SMCHD1: variants seen among roughly 807,000 people sequenced by gnomAD.
The protein encoded by SMCHD1 is structural maintenance of chromosomes flexible hinge domain-containing protein 1.
In SMCHD1, 78 loss-of-function variants were observed where a neutral mutation model predicts 254.7. That is an observed-to-expected ratio of 0.31 (90% CI 0.26 to 0.37). The LOEUF (loss-of-function observed/expected upper bound fraction) is 0.37, where lower values mean the gene tolerates loss of function less well. Ranked by LOEUF, SMCHD1 falls within the 10% of genes least tolerant of loss-of-function variation. SMCHD1 has a pLI of 1.00. For missense variants in SMCHD1, 1,840 were observed against 2,408.1 expected (o/e 0.76, Z 4.94); for synonymous variants, 766 against 794.9 (o/e 0.96, Z 0.61).
At chr18:2,656,394 C>T (rs1199788316) in intron 1 of SMCHD1, 133 bp downstream of exon 1, 4 of 851,374 alleles carry the variant, frequency 4.7e-6, no homozygotes, top group African/African-American at 3.6e-5. Context: ...TTCCCTCTCC[C>T]GTGTGCCCGC....
chr18:2,728,741 AG>A, intron 23 of SMCHD1, 145 bp downstream of exon 23: 1 of 728,290 alleles, frequency 1.4e-6, no homozygotes. Flanking sequence ...TATTGCCAAT[AG>A]TTTTTTTTTT....
intron 25 of SMCHD1, among the ~76,000 whole-genome samples, chr18:2,734,919 A>G (rs189397901): frequency 2.0e-5 from 3 of 151,822 alleles, no homozygotes; most frequent in Admixed American, 6.6e-5. Flanking sequence ...AAAATACAAA[A>G]ATTTAGCCAG....
At chr18:2,656,294 T>C in intron 1 of SMCHD1, 33 bp downstream of exon 1, 1 of 1,446,360 alleles carries the variant, frequency 6.9e-7, no homozygotes, top group Non-Finnish European at 9.0e-7. Context: ...GATGCGCGTG[T>C]AGACTTGGGG....
chr18:2,744,801 A>T (rs2143576417), intron 29 of SMCHD1, among the ~76,000 whole-genome samples: 1 of 152,278 alleles, frequency 6.6e-6, no homozygotes, highest in African/African-American at 2.4e-5. Context: ...TGCTTATGGA[A>T]TAGCAGGGCT....
At chr18:2,665,941 G>GA (rs888259037) in intron 1 of SMCHD1, among the ~76,000 whole-genome samples, 3 of 152,214 alleles carry the variant, frequency 2.0e-5, no homozygotes, top group African/African-American at 2.4e-5. Context: ...TATAGTAGCA[G>GA]AAAAAATGAC....
At chr18:2,748,597 G>C (rs183761168) in intron 30 of SMCHD1, among the ~76,000 whole-genome samples, 3 of 151,968 alleles carry the variant, frequency 2.0e-5, no homozygotes, top group Non-Finnish European at 2.9e-5. Context: ...GTTTCACCAC[G>C]TTGGCCAGGC....
At chr18:2,766,507 A>C (rs1284626282) in intron 37 of SMCHD1, among the ~76,000 whole-genome samples, 2 of 152,206 alleles carry the variant, frequency 1.3e-5, no homozygotes, top group African/African-American at 2.4e-5. Context: ...CTCCTGCCTC[A>C]CATATTGATT....
At chr18:2,706,931 G>A (rs2074528290) in intron 15 of SMCHD1, among the ~76,000 whole-genome samples, 2 of 152,144 alleles carry the variant, frequency 1.3e-5, no homozygotes, top group African/African-American at 4.8e-5. Flanking sequence ...AAGGCGAAGG[G>A]GAAGCAAGCC....
In SMCHD1 at chr18:2,694,648, T is replaced by C. The variant is rs1260391450; in HGVS notation, c.995T>C (p.Ile332Thr). ...VVITGVQPEH[I>T]QYLKNYFHLW... ...ATCACAGGGGTACAACCAGAACACA[T>C]ACAGTACTTGAAAAATTATTTCCAC... is the stretch of plus-strand genomic sequence containing the variant. Residue 332 changes from isoleucine (I) to threonine (T), a missense_variant, in exon 8 of 48, where the codon ATA (isoleucine) becomes ACA (threonine). By Grantham distance (89) the Ile-to-Thr change is moderately conservative. This residue lies in a region of SMCHD1 where 498 missense variants were observed against 743.5 expected (regional missense o/e 0.67). Transcript: ENST00000320876. 3 of 1,612,972 alleles carry C rather than the reference T, an allele frequency of 1.9e-6. No individual in the cohort carries two copies. The highest frequency in any genetic ancestry group is 8.5e-7 in the Non-Finnish European group (1 of 1,179,500).
intron 1 of SMCHD1, among the ~76,000 whole-genome samples, chr18:2,657,072 T>C (rs937019311): frequency 6.6e-6 from 1 of 152,192 alleles, no homozygotes; most frequent in Non-Finnish European, 1.5e-5. Context: ...TGTCATGCTC[T>C]GAATTAACCA....
intron 41 of SMCHD1, among the ~76,000 whole-genome samples, chr18:2,773,396 A>G (rs182739485): frequency 2.5e-4 from 38 of 152,328 alleles, no homozygotes; most frequent in Non-Finnish European, 4.0e-4. Flanking sequence ...ACCAACATAT[A>G]AATTTTAGCA....
chr18:2,707,442 A>T (rs909425628), intron 15 of SMCHD1, 121 bp from the exon 16 acceptor site: 141 of 532,174 alleles, frequency 2.6e-4, no homozygotes, highest in Non-Finnish European at 2.5e-4. Context: ...AAAGAATTCC[A>T]GATTTAACCT....
intron 41 of SMCHD1, 77 bp from the exon 42 acceptor site, chr18:2,775,657 G>T: frequency 2.5e-5 from 32 of 1,256,518 alleles, no homozygotes; most frequent in East Asian, 1.1e-4. Context: ...TTGTTACCTA[G>T]GCTTGGGCTT....
intron 44 of SMCHD1, among the ~76,000 whole-genome samples, chr18:2,779,384 G>A (rs1568373257): frequency 6.6e-6 from 1 of 152,194 alleles, no homozygotes; most frequent in South Asian, 2.1e-4. Flanking sequence ...CCATGAGGGT[G>A]AGATAGAGTA....
chr18:2,754,825 ATT>A (rs200276808), intron 34 of SMCHD1, among the ~76,000 whole-genome samples: 79 of 146,858 alleles, frequency 5.4e-4, no homozygotes, highest in African/African-American at 1.3e-3. Context: ...CGTGGAATTG[ATT>A]TTTTTTTTTT....
At chr18:2,785,589 T>A (rs1416527221) in intron 45 of SMCHD1, among the ~76,000 whole-genome samples, 2 of 134,184 alleles carry the variant, frequency 1.5e-5, no homozygotes, top group Admixed American at 1.8e-4. Flanking sequence ...GAGGTGGAGG[T>A]TACAGTGAGC....
intron 45 of SMCHD1, chr18:2,784,935 G>T: frequency 2.5e-6 from 1 of 395,014 alleles, no homozygotes; most frequent in Non-Finnish European, 4.8e-6. Flanking sequence ...AACGTAGCAA[G>T]ACTCCATCTC....
chr18:2,801,694 AAT>A (rs1245646408), intron 47 of SMCHD1, among the ~76,000 whole-genome samples: 1 of 152,234 alleles, frequency 6.6e-6, no homozygotes, highest in African/African-American at 2.4e-5. Context: ...ATGTATACTG[AAT>A]ATATATTTGT....
intron 3 of SMCHD1, chr18:2,673,052 C>T (rs935320374): frequency 1.0e-6 from 1 of 985,110 alleles, no homozygotes. Flanking sequence ...TCATGGCTGG[C>T]TGACTCATGC....
Sources: allele counts gnomAD v4.1 joint callset (sites outside exome capture counted in the v4.1 genomes callset), GRCh38; gene constraint gnomAD v4.1.1; regional missense constraint gnomAD v4.1.1; transcripts MANE v1.5; gene names NCBI Gene and HGNC (gene_info 2026-07-23, HGNC 2026-07-21).